Variants in PARD3 observed in about 807,000 individuals in gnomAD.
PARD3 encodes the protein par-3 family cell polarity regulator, also known as partitioning defective 3 homolog.
A neutral mutation model predicts 155.4 loss-of-function variants in PARD3; 75 were observed. The ratio of observed to expected loss-of-function variants is 0.48; its 90% CI spans 0.40 to 0.58. The LOEUF is 0.58. Among genes scored for constraint, PARD3 ranks in the 20% least tolerant of loss-of-function variants. The pLI is 0.00. For synonymous variants in PARD3, 576 were observed against 610.5 expected (o/e 0.94, Z 0.83); for missense variants, 1,642 against 1,721.7 (o/e 0.95, Z 0.82).
At chr10:34,442,511 G>T (rs913351910) in intron 5 of PARD3, among the ~76,000 whole-genome samples, 1 of 152,184 alleles carries the variant, frequency 6.6e-6, no homozygotes, top group Non-Finnish European at 1.5e-5. Flanking sequence ...ACAAGGAGGC[G>T]AGGCTACGCA....
At chr10:34,199,702 G>C (rs1951118046) in intron 22 of PARD3, among the ~76,000 whole-genome samples, 1 of 152,172 alleles carries the variant, frequency 6.6e-6, no homozygotes. Context: ...TGTGGAGCAA[G>C]AGCACCTCCT....
intron 22 of PARD3, among the ~76,000 whole-genome samples, chr10:34,138,394 A>C (rs919242207): frequency 6.6e-6 from 1 of 152,134 alleles, no homozygotes; most frequent in African/African-American, 2.4e-5. Flanking sequence ...CTGCACCCAA[A>C]ACACCTCACT....
At chr10:34,202,618 A>G (rs1228196823) in intron 22 of PARD3, among the ~76,000 whole-genome samples, 3 of 152,208 alleles carry the variant, frequency 2.0e-5, no homozygotes, top group African/African-American at 7.2e-5. Context: ...TTTGCTCAAC[A>G]TATCTGAGAA....
At chr10:34,715,480 A>C (rs1165364134) in intron 1 of PARD3, among the ~76,000 whole-genome samples, 4 of 152,148 alleles carry the variant, frequency 2.6e-5, no homozygotes, top group Admixed American at 6.5e-5. Flanking sequence ...CCTGTTGCTC[A>C]AACTTGTTAT....
At chr10:34,645,116 G>C (rs2092795992) in intron 2 of PARD3, among the ~76,000 whole-genome samples, 1 of 152,124 alleles carries the variant, frequency 6.6e-6, no homozygotes, top group Non-Finnish European at 1.5e-5. Context: ...GCCTTCCAAA[G>C]TGCTGGAATT....
At chr10:34,731,062 T>G (rs538816222) in intron 1 of PARD3, among the ~76,000 whole-genome samples, 8 of 152,310 alleles carry the variant, frequency 5.3e-5, no homozygotes, top group African/African-American at 1.7e-4. Flanking sequence ...GATAAAGATA[T>G]TTGTGCATAC....
intron 2 of PARD3, among the ~76,000 whole-genome samples, chr10:34,663,391 G>A (rs150427790): frequency 0.011 from 1,683 of 152,156 alleles, 26 homozygotes; most frequent in African/African-American, 0.037. Context: ...GCTTGAACTC[G>A]GGAGGCGGAG....
intron 1 of PARD3, among the ~76,000 whole-genome samples, chr10:34,725,175 C>T (rs567643909): frequency 8.0e-6 from 1 of 125,632 alleles, no homozygotes; most frequent in African/African-American, 2.9e-5. Flanking sequence ...GAGAGAGAGA[C>T]GGAGTCTCAC....
intron 22 of PARD3, among the ~76,000 whole-genome samples, chr10:34,258,132 A>G (rs1028632976): frequency 1.3e-5 from 2 of 152,206 alleles, no homozygotes; most frequent in African/African-American, 4.8e-5. Flanking sequence ...AGGCCCGTAA[A>G]CACCATACTG....
rs375759980 is a variant in PARD3 at position 34,632,900 on chromosome 10, T to A, written c.222+63418A>T. Among the ~76,000 whole-genome samples, 14 of 152,176 alleles carry A rather than the reference T, an allele frequency of 9.2e-5. No individual in the cohort carries two copies. In the East Asian group the frequency reaches 1.5e-3, roughly 17 times the overall value. On this transcript the variant is annotated intron_variant, in intron 2 of 24. Coordinates refer to ENST00000374788, the MANE Select transcript of PARD3 (RefSeq NM_001184785.2). The stretch of plus-strand genomic sequence containing the variant: ...TCCCGTTGGCTTAACAGAGCTCCAG[T>A]GGCCACAGGTGGCTCGGGGAGGAAC...
At chr10:34,376,690 G>A (rs1841285832) in intron 10 of PARD3, among the ~76,000 whole-genome samples, 1 of 152,136 alleles carries the variant, frequency 6.6e-6, no homozygotes, top group African/African-American at 2.4e-5. Context: ...GGCTCCAAAT[G>A]TAGACATGGA....
chr10:34,813,987 G>A (rs548487566), intron 1 of PARD3, among the ~76,000 whole-genome samples: 8 of 152,366 alleles, frequency 5.3e-5, no homozygotes, highest in African/African-American at 1.7e-4. Flanking sequence ...GTAGAGGAAT[G>A]CTGTGAAGTG....
At position 34,613,197 on chromosome 10, in the gene PARD3, A is replaced by C. The variant is rs548203853; in HGVS notation, c.222+83121T>G. 1.8e-4 allele frequency among the ~76,000 whole-genome samples: 28 copies of C among 152,298 alleles called. No individual in the cohort carries two copies. In the South Asian group the frequency reaches 5.8e-3, roughly 32 times the overall value. ...AAGTGTATCTTTGCACTTTTATAAA[A>C]ATACATTTAAAACATAGCAAAGTGA... On this transcript the variant is annotated intron_variant, in intron 2 of 24. Coordinates refer to ENST00000374788, the MANE Select transcript of PARD3 (RefSeq NM_001184785.2).
rs138287954 is a variant in PARD3, at chr10:34,184,929, T to C, written c.3420-53346A>G. 6.6e-4 allele frequency among the ~76,000 whole-genome samples: 101 copies of C among 152,310 alleles called. 1 individual carries two copies. The highest frequency in any genetic ancestry group is 2.4e-3 in the African/African-American group (99 of 41,554). ...GGGAGGCCCTGGCCAAATTCTACTT[T>C]GAGTGATGACATTCTGCTCACCCCA... On this transcript the variant is annotated intron_variant, in intron 22 of 24. Coordinates refer to ENST00000374788, the MANE Select transcript of PARD3 (RefSeq NM_001184785.2).
At chr10:34,254,694 C>T (rs1289751119) in intron 22 of PARD3, among the ~76,000 whole-genome samples, 1 of 152,064 alleles carries the variant, frequency 6.6e-6, no homozygotes, top group Non-Finnish European at 1.5e-5. Context: ...CTATTTAATT[C>T]TTATCACTCT....
At chr10:34,286,288 C>A (rs150116808) in intron 20 of PARD3, among the ~76,000 whole-genome samples, 19 of 152,336 alleles carry the variant, frequency 1.2e-4, no homozygotes, top group African/African-American at 3.4e-4. Context: ...GACACCCAGG[C>A]TATAAACAGT....
intron 3 of PARD3, among the ~76,000 whole-genome samples, chr10:34,474,339 C>T (rs1254587814): frequency 6.6e-6 from 1 of 152,194 alleles, no homozygotes; most frequent in African/African-American, 2.4e-5. Context: ...TAGGTTCATA[C>T]AGCCTACAAT....
At chr10:34,412,952 A>G (rs529905035) in intron 5 of PARD3, among the ~76,000 whole-genome samples, 1 of 152,268 alleles carries the variant, frequency 6.6e-6, no homozygotes, top group South Asian at 2.1e-4. Context: ...AAGATTTGAA[A>G]TATTTGTTGA....
chr10:34,325,903 A>G (rs893221357), intron 19 of PARD3, among the ~76,000 whole-genome samples: 3 of 152,218 alleles, frequency 2.0e-5, no homozygotes, highest in Middle Eastern at 3.4e-3. Context: ...TGGGCAGATC[A>G]CGAGGTCAGG....
Sources: gnomAD v4.1 joint callset for allele counts (sites outside exome capture counted in the v4.1 genomes callset) on GRCh38, gnomAD v4.1.1 for gene constraint, MANE v1.5 for transcripts, NCBI Gene and HGNC (gene_info 2026-07-23, HGNC 2026-07-21) for gene names.